The following LARGE1 variants were observed in gnomAD, a reference collection of about 807,000 sequenced individuals.
LARGE1 encodes the protein xylosyl- and glucuronyltransferase LARGE1.
LARGE1 carries 43 observed loss-of-function variants against 87.6 expected under a neutral mutation model. The observed-to-expected ratio is 0.49, with a 90% CI of 0.38 to 0.63. The LOEUF (loss-of-function observed/expected upper bound fraction) is 0.63, where lower values mean the gene tolerates loss of function less well. Among genes scored for constraint, LARGE1 ranks in the 30% least tolerant of loss-of-function variants. The pLI, the probability that LARGE1 is intolerant of heterozygous loss-of-function variation, is 0.00. For synonymous variants in LARGE1, 434 were observed against 394.6 expected, an observed-to-expected ratio of 1.10 and a Z score of -1.18; for missense variants, 802 against 1,000.2, an observed-to-expected ratio of 0.80 and a Z score of 2.67.
Position 33,348,910 on chromosome 22 carries a change from C to T in LARGE1, c.1132-11109G>A, listed in dbSNP as rs942454520. On this transcript the variant is annotated intron_variant, in intron 9 of 14. Transcript: ENST00000397394. Reference sequence around the variant, plus strand: ...GGGTGGGTTTTTCCTGTGCTGTTCTCTTGATTATGAATAAGTCTCACAAAA... The same window carrying T: ...GGGTGGGTTTTTCCTGTGCTGTTCTTTTGATTATGAATAAGTCTCACAAAA... 2.0e-5 allele frequency among the ~76,000 whole-genome samples: 3 copies of T among 152,082 alleles called. No homozygotes were observed. The East Asian group carries it at 5.8e-4, about 29-fold the overall frequency.
chr22:33,089,095 T>C, the LARGE1 span, among the ~76,000 whole-genome samples: 2 of 152,194 alleles, frequency 1.3e-5, no homozygotes, highest in East Asian at 3.9e-4. Flanking sequence ...TACTAGGTCA[T>C]TGCAACTCCA....
At chr22:33,254,012 A>C (rs1347986310) in intron 11 of LARGE1, among the ~76,000 whole-genome samples, 1 of 151,906 alleles carries the variant, frequency 6.6e-6, no homozygotes, top group Non-Finnish European at 1.5e-5. Context: ...TTATGTGACC[A>C]AGTTCTAGCC....
At chr22:33,768,115 C>T (rs2084960274) in intron 1 of LARGE1, among the ~76,000 whole-genome samples, 1 of 152,178 alleles carries the variant, frequency 6.6e-6, no homozygotes, top group African/African-American at 2.4e-5. Context: ...TGAGACCATC[C>T]TGGCTAACAC....
At chr22:33,703,355 G>GAAAAAAAAAAAAAAA (rs780406393) in intron 2 of LARGE1, among the ~76,000 whole-genome samples, 1 of 86,650 alleles carries the variant, frequency 1.2e-5, no homozygotes, top group Non-Finnish European at 2.5e-5. Flanking sequence ...AGCCTAAAGT[G>GAAAAAAAAAAAAAAA]AAAAAAAAAA....
chr22:33,790,362 G>A (rs2085784423), intron 1 of LARGE1, among the ~76,000 whole-genome samples: 1 of 152,234 alleles, frequency 6.6e-6, no homozygotes, highest in Non-Finnish European at 1.5e-5. Flanking sequence ...GTGAGAACAT[G>A]CTAATACACC....
chr22:33,592,000 T>C (rs1018082864), intron 5 of LARGE1, among the ~76,000 whole-genome samples: 4 of 148,180 alleles, frequency 2.7e-5, no homozygotes, highest in African/African-American at 1.0e-4. Context: ...CACTTCAGCC[T>C]GGGTGACAAA....
chr22:33,338,503 C>T lies in LARGE1; in HGVS notation c.1132-702G>A, dbSNP rs150675082. On this transcript the variant is annotated intron_variant, in intron 9 of 14. Coordinates refer to ENST00000397394, the MANE Select transcript of LARGE1 (RefSeq NM_133642.5). ...TTTCTTCAGCTCTAGGGTAGTGCTT[C>T]CTGTACCAAGTGAACACTTTATGCC... Among the ~76,000 whole-genome samples, 28 of 152,262 alleles carry T rather than the reference C, an allele frequency of 1.8e-4. No individual in the cohort carries two copies. In the East Asian group the frequency reaches 5.4e-3, roughly 29 times the overall value.
chr22:33,801,688 C>T lies in LARGE1; in HGVS notation c.-82-40130G>A, dbSNP rs186554867. On this transcript the variant is annotated intron_variant, in intron 1 of 14. Coordinates refer to ENST00000397394, the MANE Select transcript of LARGE1 (RefSeq NM_133642.5). Reference sequence around the variant, plus strand: ...CTTAACAGATTCTCCTACAAAGCCACATTTTAAACTGTGATTAATTCCAGT... The same window carrying T: ...CTTAACAGATTCTCCTACAAAGCCATATTTTAAACTGTGATTAATTCCAGT... Among the ~76,000 whole-genome samples the T allele has an allele frequency of 5.5e-3, 838 of 152,292 alleles. 6 individuals are homozygous for T. The highest frequency in any genetic ancestry group is 0.027 in the Middle Eastern group (8 of 294).
intron 5 of LARGE1, among the ~76,000 whole-genome samples, chr22:33,580,096 C>T (rs772209694): frequency 6.6e-6 from 1 of 151,664 alleles, no homozygotes; most frequent in African/African-American, 2.4e-5. Context: ...GGCGGCCGGG[C>T]GCAGTGGCTC....
intron 6 of LARGE1, among the ~76,000 whole-genome samples, chr22:33,556,548 G>GAGGGAGGGAGGGAGGGAGGGAGGGAGGA (rs2077688288): frequency 1.2e-5 from 1 of 81,098 alleles, no homozygotes; most frequent in African/African-American, 5.1e-5. Flanking sequence ...AGGAGGGAGG[G>GAGGGAGGGAGGGAGGGAGGGAGGGAGGA]AGGGAGGGAG....
At chr22:33,433,169 G>A (rs1738827565) in intron 6 of LARGE1, among the ~76,000 whole-genome samples, 1 of 152,236 alleles carries the variant, frequency 6.6e-6, no homozygotes, top group African/African-American at 2.4e-5. Flanking sequence ...GACTTGGACA[G>A]CTAAAGATGG....
chr22:33,219,213 G>A (rs150546225), intron 11 of LARGE1, among the ~76,000 whole-genome samples: 1 of 152,294 alleles, frequency 6.6e-6, no homozygotes, highest in African/African-American at 2.4e-5. Context: ...CTAGGCTTCA[G>A]ACTGAGAAAA....
At chr22:33,113,120 A>T in the LARGE1 span, among the ~76,000 whole-genome samples, 3 of 152,106 alleles carry the variant, frequency 2.0e-5, no homozygotes, top group South Asian at 4.2e-4. Flanking sequence ...TAAGACTCAA[A>T]CTATCAATAG....
intron 6 of LARGE1, among the ~76,000 whole-genome samples, chr22:33,476,398 G>A (rs1313818820): frequency 6.6e-6 from 1 of 152,160 alleles, no homozygotes; most frequent in Non-Finnish European, 1.5e-5. Flanking sequence ...ATCTACCTAT[G>A]ACCTGGAAGC....
rs566611748 is a variant in LARGE1 at position 33,518,026 on chromosome 22, T to C, written c.787+46822A>G. ...AACTCCTACAGATTTTTCTGGGATC[T>C]GAGGCACCCTCTCTTCTCAAGGCAA... On this transcript the variant is annotated intron_variant, in intron 6 of 14. Coordinates refer to ENST00000397394, the MANE Select transcript of LARGE1 (RefSeq NM_133642.5). 9.2e-5 allele frequency among the ~76,000 whole-genome samples: 14 copies of C among 152,332 alleles called. No individual in the cohort carries two copies. In the East Asian group the frequency reaches 2.5e-3, roughly 27 times the overall value.
intron 9 of LARGE1, among the ~76,000 whole-genome samples, chr22:33,366,345 T>G (rs5998896): frequency 0.018 from 2,705 of 152,382 alleles, 78 homozygotes; most frequent in African/African-American, 0.056. Flanking sequence ...CAGCAATAGT[T>G]TACTGTAGGT....
chr22:33,899,597 A>C (rs1045671317), intron 1 of LARGE1, among the ~76,000 whole-genome samples: 1 of 152,174 alleles, frequency 6.6e-6, no homozygotes, highest in Admixed American at 6.5e-5. Context: ...CCAAGCAAGC[A>C]GGGACTGGGA....
At chr22:33,782,841 G>T (rs1308214075) in intron 1 of LARGE1, among the ~76,000 whole-genome samples, 1 of 148,378 alleles carries the variant, frequency 6.7e-6, no homozygotes, top group Non-Finnish European at 1.5e-5. Flanking sequence ...CTCCAGCCTG[G>T]CAACAGAGTG....
intron 5 of LARGE1, among the ~76,000 whole-genome samples, chr22:33,586,338 C>T (rs2078671727): frequency 6.6e-6 from 1 of 152,126 alleles, no homozygotes; most frequent in African/African-American, 2.4e-5. Context: ...CTTACAGAGA[C>T]AATGACACCC....
Sources: allele counts gnomAD v4.1 joint callset (sites outside exome capture counted in the v4.1 genomes callset), GRCh38; gene constraint gnomAD v4.1.1; transcripts MANE v1.5; gene names NCBI Gene and HGNC (gene_info 2026-07-23, HGNC 2026-07-21).